Variants in NPAS3 observed in about 807,000 individuals in gnomAD.
The protein encoded by NPAS3 is neuronal PAS domain-containing protein 3.
A neutral mutation model predicts 73.1 loss-of-function variants in NPAS3; 14 were observed. That is an observed-to-expected ratio of 0.19 (90% CI 0.13 to 0.30). The LOEUF is 0.30. NPAS3 is among the 10% of genes least tolerant of loss of function. NPAS3 has a pLI of 1.00. For missense variants in NPAS3, 1,096 were observed against 1,250.0 expected (o/e 0.88, Z 1.86); for synonymous variants, 620 against 541.5 (o/e 1.14, Z -2.01).
chr14:33,280,825 C>T (rs1190042910), intron 3 of NPAS3, among the ~76,000 whole-genome samples: 1 of 152,156 alleles, frequency 6.6e-6, no homozygotes, highest in African/African-American at 2.4e-5. Context: ...GGGTGAGTCA[C>T]CACTCAAGTT....
chr14:33,577,703 T>C (rs1207312982), intron 5 of NPAS3, among the ~76,000 whole-genome samples: 1 of 152,258 alleles, frequency 6.6e-6, no homozygotes, highest in Admixed American at 6.5e-5. Flanking sequence ...GGGACTGATA[T>C]GATATTCTGT....
At chr14:33,595,757 G>A (rs1453544132) in intron 5 of NPAS3, among the ~76,000 whole-genome samples, 7 of 152,066 alleles carry the variant, frequency 4.6e-5, no homozygotes, top group Non-Finnish European at 7.4e-5. Flanking sequence ...TGCAAGATCC[G>A]CCGCCCGGGT....
intron 2 of NPAS3, among the ~76,000 whole-genome samples, chr14:33,212,196 C>T (rs2139660265): frequency 6.6e-6 from 1 of 152,300 alleles, no homozygotes; most frequent in Non-Finnish European, 1.5e-5. Flanking sequence ...TCATCTGTTA[C>T]ACCAGCATCT....
intron 4 of NPAS3, among the ~76,000 whole-genome samples, chr14:33,513,683 G>A (rs943266638): frequency 3.3e-5 from 5 of 151,974 alleles, no homozygotes; most frequent in African/African-American, 1.2e-4. Context: ...GAGTAAGAAG[G>A]ATTATGTTCT....
chr14:33,663,004 G>C (rs941361155), intron 5 of NPAS3, among the ~76,000 whole-genome samples: 1 of 147,804 alleles, frequency 6.8e-6, no homozygotes, highest in East Asian at 2.1e-4. Flanking sequence ...TTTCTAAATA[G>C]ACAATCATGT....
At chr14:33,204,409 T>G (rs2046745231) in intron 2 of NPAS3, among the ~76,000 whole-genome samples, 1 of 152,166 alleles carries the variant, frequency 6.6e-6, no homozygotes, top group African/African-American at 2.4e-5. Context: ...TTACAGTAGT[T>G]AGGTCTGTGT....
intron 4 of NPAS3, among the ~76,000 whole-genome samples, chr14:33,380,534 G>T (rs1228799424): frequency 6.6e-6 from 1 of 152,108 alleles, no homozygotes; most frequent in Non-Finnish European, 1.5e-5. Context: ...GCCAGTTTGG[G>T]ATCTGATGAT....
intron 3 of NPAS3, among the ~76,000 whole-genome samples, chr14:33,237,883 T>C (rs1294491716): frequency 6.6e-6 from 1 of 151,662 alleles, no homozygotes; most frequent in Non-Finnish European, 1.5e-5. Context: ...AATTATAACA[T>C]TAAAATGAAT....
chr14:33,588,547 C>T (rs1276672293), intron 5 of NPAS3, among the ~76,000 whole-genome samples: 1 of 152,158 alleles, frequency 6.6e-6, no homozygotes, highest in African/African-American at 2.4e-5. Context: ...ATTCCTTCTG[C>T]TGTTAGCAGC....
intron 1 of NPAS3, among the ~76,000 whole-genome samples, chr14:32,956,949 A>C (rs892340437): frequency 2.0e-5 from 3 of 152,168 alleles, no homozygotes; most frequent in Non-Finnish European, 4.4e-5. Context: ...CTATTGGCCA[A>C]AACCTTTCTA....
chr14:33,459,894 C>T (rs2139482761), intron 4 of NPAS3, among the ~76,000 whole-genome samples: 1 of 152,316 alleles, frequency 6.6e-6, no homozygotes, highest in East Asian at 1.9e-4. Flanking sequence ...GTCATCCTTG[C>T]TAGACTATAG....
chr14:33,544,245 C>G lies in NPAS3; in HGVS notation c.469-15876C>G, dbSNP rs114639553. Among the ~76,000 whole-genome samples the G allele has an allele frequency of 3.5e-3, 530 of 152,074 alleles. 6 individuals carry two copies. Among genetic ancestry groups the G allele is most frequent in the African/African-American group, 0.012 (505 of 41,502 alleles). ...GCAGCCTTGAACTCCTGGGCTCAAGCATTCCTCGTACCTTGGCCTCCCAAA... is the reference window on the plus strand; with the variant it reads ...GCAGCCTTGAACTCCTGGGCTCAAGGATTCCTCGTACCTTGGCCTCCCAAA... On this transcript the variant is annotated intron_variant, in intron 4 of 11. Transcript: ENST00000356141.
At chr14:33,407,882 C>T (rs61591865) in intron 4 of NPAS3, among the ~76,000 whole-genome samples, 1 of 152,094 alleles carries the variant, frequency 6.6e-6, no homozygotes, top group African/African-American at 2.4e-5. Context: ...GAAATGCTTA[C>T]AGCATAGGTC....
intron 5 of NPAS3, among the ~76,000 whole-genome samples, chr14:33,605,431 A>G (rs1217418797): frequency 6.6e-6 from 1 of 151,264 alleles, no homozygotes; most frequent in Non-Finnish European, 1.5e-5. Flanking sequence ...TTATTTACTT[A>G]AAATATGATC....
chr14:33,085,681 C>A lies in NPAS3; in HGVS notation c.140+29687C>A, dbSNP rs140083717. Among the ~76,000 whole-genome samples, 7 of 151,900 alleles carry A rather than the reference C, an allele frequency of 4.6e-5. No homozygotes were observed. In the East Asian group the frequency reaches 1.4e-3, roughly 29 times the overall value. On this transcript the variant is annotated intron_variant, in intron 2 of 11. Coordinates refer to ENST00000356141, the Ensembl canonical transcript of NPAS3. Reference sequence around the variant, plus strand: ...TGAACTATTAAAGTACTAAGCATGCCGTTTTTCTTGTGAAAAGACATTTTA... The same window carrying A: ...TGAACTATTAAAGTACTAAGCATGCAGTTTTTCTTGTGAAAAGACATTTTA...
intron 4 of NPAS3, among the ~76,000 whole-genome samples, chr14:33,435,616 G>A (rs1422929641): frequency 6.6e-6 from 1 of 152,098 alleles, no homozygotes; most frequent in Non-Finnish European, 1.5e-5. Context: ...TCAGATATTG[G>A]CTAATACAGA....
chr14:33,437,497 G>C (rs1455169576), intron 4 of NPAS3, among the ~76,000 whole-genome samples: 4 of 152,146 alleles, frequency 2.6e-5, no homozygotes, highest in African/African-American at 4.8e-5. Context: ...TTCTAGAGTA[G>C]AGTATTCAAG....
At chr14:33,062,479 T>C (rs2138585055) in intron 2 of NPAS3, among the ~76,000 whole-genome samples, 1 of 152,314 alleles carries the variant, frequency 6.6e-6, no homozygotes, top group South Asian at 2.1e-4. Flanking sequence ...AGACCACTTG[T>C]AATTCAAGAT....
intron 2 of NPAS3, among the ~76,000 whole-genome samples, chr14:33,140,095 A>G (rs1308963486): frequency 1.3e-5 from 2 of 152,164 alleles, no homozygotes; most frequent in African/African-American, 4.8e-5. Context: ...CGGTAGGCCT[A>G]TGATGAAGTG....
Sources: allele counts gnomAD v4.1 joint callset (sites outside exome capture counted in the v4.1 genomes callset), GRCh38; gene constraint gnomAD v4.1.1; transcripts MANE v1.5; gene names NCBI Gene and HGNC (gene_info 2026-07-23, HGNC 2026-07-21).